TXLNB: variants seen among roughly 807,000 people sequenced by gnomAD.
The protein encoded by TXLNB is beta-taxilin.
In TXLNB, 37 loss-of-function variants were observed where a neutral mutation model predicts 57.4. The ratio of observed to expected loss-of-function variants is 0.64; its 90% confidence interval spans 0.50 to 0.85. The LOEUF (loss-of-function observed/expected upper bound fraction) is 0.85, where lower values mean the gene tolerates loss of function less well. Among genes scored for constraint, TXLNB ranks in the 40% least tolerant of loss-of-function variants. The pLI is 0.00. For synonymous variants in TXLNB, 302 were observed against 309.6 expected (o/e 0.98, Z 0.26); for missense variants, 848 against 825.6 (o/e 1.03, Z -0.33).
At chr6:139,321,167 T>C in the TXLNB span, among the ~76,000 whole-genome samples, 2 of 152,132 alleles carry the variant, frequency 1.3e-5, no homozygotes, top group Admixed American at 1.3e-4. Context: ...CACTGGACCT[T>C]GCTATTGTCT....
chr6:139,275,820 C>CG (rs1776881105), intron 3 of TXLNB, among the ~76,000 whole-genome samples: 1 of 152,128 alleles, frequency 6.6e-6, no homozygotes, highest in African/African-American at 2.4e-5. Context: ...AATTAGGCCC[C>CG]GGGCCTCAAA....
chr6:139,213,931 G>T, the TXLNB span, among the ~76,000 whole-genome samples: 1 of 152,280 alleles, frequency 6.6e-6, no homozygotes, highest in South Asian at 2.1e-4. Context: ...AAGCCAGGAA[G>T]AAGTTGAATC....
At chr6:139,312,913 C>T in the TXLNB span, among the ~76,000 whole-genome samples, 1 of 152,150 alleles carries the variant, frequency 6.6e-6, no homozygotes, top group Admixed American at 6.5e-5. Context: ...CTATACTTTT[C>T]CTGGTCACCT....
At chr6:139,193,252 T>TTTTTTTTA in the TXLNB span, among the ~76,000 whole-genome samples, 3 of 148,028 alleles carry the variant, frequency 2.0e-5, no homozygotes, top group African/African-American at 7.5e-5. Flanking sequence ...TTTTTTTTTT[T>TTTTTTTTA]TTTTTTTTAT....
chr6:139,320,657 A>G, the TXLNB span, among the ~76,000 whole-genome samples: 1 of 151,912 alleles, frequency 6.6e-6, no homozygotes, highest in African/African-American at 2.4e-5. Context: ...TTTTTTTACC[A>G]ACCTAGAGGT....
chr6:139,272,012 T>TA (rs1186333492), intron 3 of TXLNB, among the ~76,000 whole-genome samples: 1 of 152,122 alleles, frequency 6.6e-6, no homozygotes, highest in Non-Finnish European at 1.5e-5. Flanking sequence ...TTCCCCATTT[T>TA]AAAAAAGCCA....
At chr6:139,210,412 CAT>C in the TXLNB span, among the ~76,000 whole-genome samples, 7 of 152,334 alleles carry the variant, frequency 4.6e-5, no homozygotes, top group South Asian at 6.2e-4. Flanking sequence ...CATGCACACA[CAT>C]GTTTACAGCA....
chr6:139,306,094 G>A, the TXLNB span, among the ~76,000 whole-genome samples: 8 of 152,108 alleles, frequency 5.3e-5, no homozygotes, highest in Non-Finnish European at 2.9e-5. Context: ...AAACAAGAAT[G>A]GTGTATTTTA....
the TXLNB span, among the ~76,000 whole-genome samples, chr6:139,231,320 AC>A: frequency 6.6e-6 from 1 of 152,148 alleles, no homozygotes; most frequent in Non-Finnish European, 1.5e-5. Context: ...GGCCCTTCCC[AC>A]GGTGCTGAGT....
In TXLNB at chr6:139,285,281, C is replaced by T. The variant is rs1777145458; in HGVS notation, c.424+3195G>A. On this transcript the variant is annotated intron_variant, in intron 2 of 9. Transcript: ENST00000358430. The stretch of plus-strand genomic sequence containing the variant: ...CAACACACACACACACACACACACA[C>T]ACACACACACACACACACACACACC... Among the ~76,000 whole-genome samples, 2 of 142,276 alleles carry T rather than the reference C, an allele frequency of 1.4e-5. 1 individual carries two copies. The highest frequency in any genetic ancestry group is 5.2e-5 in the African/African-American group (2 of 38,446). The allele number at this position is 142,276 out of a possible 152,430, so 93.3% of individuals were successfully genotyped here.
chr6:139,238,342 C>T (rs138629680), downstream of TXLNB, among the ~76,000 whole-genome samples: 562 of 152,060 alleles, frequency 3.7e-3, 5 homozygotes, highest in African/African-American at 0.012. Flanking sequence ...TGCAGTAAGC[C>T]GATATCACGC....
At chr6:139,215,674 T>C in the TXLNB span, among the ~76,000 whole-genome samples, 2 of 152,070 alleles carry the variant, frequency 1.3e-5, no homozygotes, top group Non-Finnish European at 2.9e-5. Flanking sequence ...GAAACTACCA[T>C]CAGAGTGAAC....
chr6:139,244,556 A>G, intron 9 of TXLNB, 39 bp downstream of exon 9: 1 of 1,316,874 alleles, frequency 7.6e-7, no homozygotes, highest in East Asian at 2.3e-5. Context: ...TGTTTTGACT[A>G]GACAGAGGGG....
the TXLNB span, among the ~76,000 whole-genome samples, chr6:139,220,384 G>A: frequency 6.6e-6 from 1 of 152,320 alleles, no homozygotes; most frequent in African/African-American, 2.4e-5. Flanking sequence ...AAAGTGATGG[G>A]AAACCACAAG....
At chr6:139,250,891 A>C (rs1274938536) in intron 7 of TXLNB, among the ~76,000 whole-genome samples, 4 of 152,232 alleles carry the variant, frequency 2.6e-5, no homozygotes, top group East Asian at 1.9e-4. Context: ...TCTTCACTTA[A>C]CTGGGTAAGG....
chr6:139,205,645 A>G, the TXLNB span, among the ~76,000 whole-genome samples: 3 of 150,086 alleles, frequency 2.0e-5, no homozygotes, highest in Non-Finnish European at 4.5e-5. Context: ...AAAAGAAAAG[A>G]AAAAAAAAAG....
chr6:139,256,447 A>G (rs1447009994), intron 6 of TXLNB, among the ~76,000 whole-genome samples: 1 of 152,128 alleles, frequency 6.6e-6, no homozygotes, highest in African/African-American at 2.4e-5. Flanking sequence ...TTCCTGCCTC[A>G]GCCTTCTCAG....
chr6:139,304,801 G>A, the TXLNB span, among the ~76,000 whole-genome samples: 7 of 152,106 alleles, frequency 4.6e-5, no homozygotes, highest in East Asian at 1.9e-4. Flanking sequence ...GCTGGTCTCC[G>A]TATATCTGTT....
At chr6:139,160,359 A>C in the TXLNB span, among the ~76,000 whole-genome samples, 1 of 152,240 alleles carries the variant, frequency 6.6e-6, no homozygotes, top group Admixed American at 6.5e-5. Context: ...CAAGTGTATG[A>C]TACCCTTCTC....
Sources: gnomAD v4.1 joint callset for allele counts (sites outside exome capture counted in the v4.1 genomes callset) on GRCh38, gnomAD v4.1.1 for gene constraint, MANE v1.5 for transcripts, NCBI Gene and HGNC (gene_info 2026-07-23, HGNC 2026-07-21) for gene names.